Variants in IL1RAP observed in about 807,000 individuals in gnomAD.
IL1RAP encodes interleukin-1 receptor accessory protein.
IL1RAP carries 35 observed loss-of-function variants against 60.7 expected under a neutral mutation model. The ratio of observed to expected loss-of-function variants is 0.58; its 90% CI spans 0.44 to 0.76. The LOEUF (loss-of-function observed/expected upper bound fraction) is 0.76. Ranked by LOEUF, IL1RAP falls within the 30% of genes least tolerant of loss-of-function variation. IL1RAP has a pLI of 0.00. For missense variants in IL1RAP, 572 were observed against 693.9 expected (o/e 0.82, Z 1.97); for synonymous variants, 268 against 250.9 (o/e 1.07, Z -0.64).
chr3:190,543,915 C>T (rs1453718088), intron 1 of IL1RAP, among the ~76,000 whole-genome samples: 1 of 152,178 alleles, frequency 6.6e-6, no homozygotes, highest in East Asian at 1.9e-4. Flanking sequence ...GTTCCCATGG[C>T]ACCCAACCCT....
intron 1 of IL1RAP, among the ~76,000 whole-genome samples, chr3:190,519,641 CTCT>C (rs1024131029): frequency 6.6e-6 from 1 of 152,118 alleles, no homozygotes; most frequent in African/African-American, 2.4e-5. Context: ...CTGTCTTCTC[CTCT>C]TCTTCTACTC....
In IL1RAP at chr3:190,646,792, A is replaced by G. The variant is rs117082933; in HGVS notation, c.1345+950A>G. On this transcript the variant is annotated intron_variant, in intron 11 of 11. Coordinates refer to ENST00000447382, the MANE Select transcript of IL1RAP (RefSeq NM_002182.4). ...ATAATTGAGATAGACTTGAAATTTT[A>G]TTCTCATTTTGATTTAGTTGGATCA... 2.1e-4 allele frequency among the ~76,000 whole-genome samples: 32 copies of G among 152,234 alleles called. No homozygotes were observed. The East Asian group carries it at 6.2e-3, about 29-fold the overall frequency.
chr3:190,521,121 G>T (rs1488493547), intron 1 of IL1RAP, among the ~76,000 whole-genome samples: 1 of 152,146 alleles, frequency 6.6e-6, no homozygotes, highest in Non-Finnish European at 1.5e-5. Flanking sequence ...TATGCATAGG[G>T]ATTTTAACCT....
At chr3:190,536,877 A>C (rs1723510913) in intron 1 of IL1RAP, among the ~76,000 whole-genome samples, 1 of 152,192 alleles carries the variant, frequency 6.6e-6, no homozygotes, top group East Asian at 1.9e-4. Context: ...ATATGATTCA[A>C]TTTTTGTAAA....
intron 5 of IL1RAP, among the ~76,000 whole-genome samples, chr3:190,611,609 A>G (rs886418857): frequency 1.3e-5 from 2 of 152,230 alleles, no homozygotes; most frequent in Admixed American, 1.3e-4. Flanking sequence ...AAAAGTATAG[A>G]TAGTGCCTAC....
intron 3 of IL1RAP, among the ~76,000 whole-genome samples, chr3:190,573,037 GTATTTTT>G (rs1727116949): frequency 6.6e-5 from 4 of 60,318 alleles, no homozygotes; most frequent in Non-Finnish European, 1.2e-4. Context: ...CTAATTTTTT[GTATTTTT>G]AGTAGAGACG....
rs1560192276 is a variant in IL1RAP at position 190,587,515 on chromosome 3, CTGACCCTA to C, written c.65-16610_65-16603del. On this transcript the variant is annotated intron_variant, in intron 3 of 11. Transcript: ENST00000447382. Reference sequence around the variant, plus strand: ...GAATTAGGACAAGAAACCAGGTCTTCTGACCCTATGTCTTTGTTCTCCATAGGGTATAC... The same window carrying C: ...GAATTAGGACAAGAAACCAGGTCTTCTGTCTTTGTTCTCCATAGGGTATAC... Among the ~76,000 whole-genome samples the C allele has an allele frequency of 2.6e-5, 4 of 152,314 alleles. No individual in the cohort carries two copies. The South Asian group carries it at 8.3e-4, about 32-fold the overall frequency.
At chr3:190,602,719 G>C (rs181971375) in intron 3 of IL1RAP, among the ~76,000 whole-genome samples, 103 of 152,224 alleles carry the variant, frequency 6.8e-4, no homozygotes, top group African/African-American at 2.3e-3. Context: ...TTTCAAAATG[G>C]CATTACTTAT....
intron 4 of IL1RAP, among the ~76,000 whole-genome samples, chr3:190,607,595 A>G (rs1036284928): frequency 2.6e-5 from 4 of 152,158 alleles, no homozygotes; most frequent in African/African-American, 9.7e-5. Context: ...TGAGGTGGGA[A>G]AAGATAACAG....
At chr3:190,653,260 G>A (rs1734481597), downstream of IL1RAP, among the ~76,000 whole-genome samples, 1 of 152,164 alleles carries the variant, frequency 6.6e-6, no homozygotes, top group South Asian at 2.1e-4. Context: ...TAGACGTTGA[G>A]CAACAGTAAT....
At chr3:190,630,810 T>C (rs1732726757) in intron 9 of IL1RAP, among the ~76,000 whole-genome samples, 1 of 152,218 alleles carries the variant, frequency 6.6e-6, no homozygotes, top group African/African-American at 2.4e-5. Flanking sequence ...TTCTGGTTTC[T>C]GCACATCCTA....
chr3:190,656,555 C>A (rs1411339380), exon 12 of IL1RAP: 1 of 1,535,906 alleles, frequency 6.5e-7, no homozygotes, highest in East Asian at 2.4e-5. Flanking sequence ...TCAGCCCTTG[C>A]TCTTCATCAT....
intron 1 of IL1RAP, among the ~76,000 whole-genome samples, chr3:190,529,180 C>T (rs1349014258): frequency 7.9e-5 from 12 of 152,176 alleles, no homozygotes; most frequent in South Asian, 4.1e-4. Flanking sequence ...CTCTTAGCCA[C>T]GGAATTTCAC....
chr3:190,561,531 A>C (rs963825280), intron 2 of IL1RAP, among the ~76,000 whole-genome samples: 1 of 152,120 alleles, frequency 6.6e-6, no homozygotes, highest in African/African-American at 2.4e-5. Flanking sequence ...GCCCTCAATC[A>C]CACTAATTAG....
chr3:190,570,790 T>G (rs1726852310), intron 3 of IL1RAP, among the ~76,000 whole-genome samples: 1 of 152,194 alleles, frequency 6.6e-6, no homozygotes. Context: ...GGTCTGGAAC[T>G]CCTGACCTCA....
chr3:190,590,549 C>G (rs1462558778), intron 3 of IL1RAP, among the ~76,000 whole-genome samples: 1 of 152,184 alleles, frequency 6.6e-6, no homozygotes, highest in Non-Finnish European at 1.5e-5. Context: ...AGCCACCGTG[C>G]CTGGCCAGGA....
chr3:190,628,381 A>T (rs373287032), intron 8 of IL1RAP, among the ~76,000 whole-genome samples: 2 of 152,210 alleles, frequency 1.3e-5, no homozygotes, highest in Non-Finnish European at 2.9e-5. Flanking sequence ...ATGTTGTTCC[A>T]CCTTGCTGCT....
chr3:190,637,236 A>G (rs1335329322), intron 9 of IL1RAP, among the ~76,000 whole-genome samples: 2 of 152,106 alleles, frequency 1.3e-5, no homozygotes, highest in Non-Finnish European at 2.9e-5. Context: ...GACACTATCC[A>G]TTCTTGGTAA....
At chr3:190,524,856 A>G (rs1431709165) in intron 1 of IL1RAP, among the ~76,000 whole-genome samples, 1 of 152,204 alleles carries the variant, frequency 6.6e-6, no homozygotes, top group Non-Finnish European at 1.5e-5. Flanking sequence ...TGACATACAT[A>G]TATGCGCATA....
Sources: allele counts gnomAD v4.1 joint callset (sites outside exome capture counted in the v4.1 genomes callset), GRCh38; gene constraint gnomAD v4.1.1; transcripts MANE v1.5; gene names NCBI Gene and HGNC (gene_info 2026-07-23, HGNC 2026-07-21).